The following ABCA2 variants were observed in gnomAD, a reference collection of about 807,000 sequenced individuals.
The protein encoded by ABCA2 is ATP-binding cassette sub-family A member 2.
Under a neutral mutation model 262.8 loss-of-function variants are expected in ABCA2, and 84 were observed. The observed-to-expected ratio is 0.32, with a 90% CI of 0.27 to 0.38. The LOEUF (loss-of-function observed/expected upper bound fraction) is 0.38. ABCA2 is among the 10% of genes least tolerant of loss of function. The probability of loss-of-function intolerance (pLI) is 1.00; values close to 1 mark genes in which losing one functional copy is unlikely to be tolerated. For synonymous variants in ABCA2, 1,696 were observed against 1,502.9 expected (o/e 1.13, Z -2.97); for missense variants, 2,662 against 3,405.9 (o/e 0.78, Z 5.44).
chr9:137,020,616 GAGCC>G, intron 9 of ABCA2, 74 bp downstream of exon 9: 1 of 1,565,304 alleles, frequency 6.4e-7, no homozygotes, highest in South Asian at 1.2e-5. Context: ...GAGACCTCCA[GAGCC>G]AGAGCCTAGA....
Position 137,011,892 on chromosome 9 carries a change from G to A in ABCA2, c.5487C>T (p.Ser1829=), listed in dbSNP as rs765435669. 1.5e-5 allele frequency: 24 copies of A among 1,611,404 alleles called. No individual in the cohort carries two copies. The highest frequency in any genetic ancestry group is 2.7e-5 in the African/African-American group (2 of 74,894). The change falls in exon 35 of 49, where the codon AGC becomes AGT. Residue 1829 remains serine (S), a synonymous_variant. Transcript: ENST00000341511. The surrounding 1 kb of genome is among the most constrained non-coding windows in gnomAD (Gnocchi z 8.8). ...STKAKHLQFV[S]GCNPIIYWLA... is the part of the protein sequence containing the mutation. Reference sequence around the variant, plus strand: ...GCCAGTAGATGATGGGGTTGCAGCCGCTGACAAACTGCAGGTGCTTGGCCT... The same window carrying A: ...GCCAGTAGATGATGGGGTTGCAGCCACTGACAAACTGCAGGTGCTTGGCCT...
intron 1 of ABCA2, among the ~76,000 whole-genome samples, chr9:137,025,854 G>C (rs891134965): frequency 2.0e-5 from 3 of 152,236 alleles, no homozygotes; most frequent in Non-Finnish European, 4.4e-5. Flanking sequence ...CTGGCTGGCA[G>C]GCGGCGGGCG....
chr9:137,022,862 G>T lies in ABCA2; in HGVS notation c.279C>A (p.Val93=). The T allele has an allele frequency of 7.5e-7, 1 of 1,336,272 alleles. No homozygotes were observed. Among genetic ancestry groups the T allele is most frequent in the Non-Finnish European group, 9.9e-7 (1 of 1,009,270 alleles). The allele number at this position is 1,336,272 out of a possible 1,614,324, so 82.8% of individuals were successfully genotyped here. ...FGFLQYANST[V]TQLLERLDRV... ...GGTCCAGGCGCTCAAGCAGCTGCGT[G>T]ACCCTGCACCATGGCGGATGTCACT... is the stretch of plus-strand genomic sequence containing the variant. Residue 93 remains valine (V), a synonymous_variant, in exon 5 of 49, where the codon GTC becomes GTA. Coordinates refer to ENST00000341511, the MANE Select transcript of ABCA2 (RefSeq NM_001606.5).
chr9:137,017,755 C>A, intron 16 of ABCA2, 32 bp downstream of exon 16: 1 of 1,610,332 alleles, frequency 6.2e-7, no homozygotes, highest in Non-Finnish European at 8.5e-7. Flanking sequence ...CCTGCCAGCC[C>A]GCGCCTCCAG....
intron 1 of ABCA2, among the ~76,000 whole-genome samples, chr9:137,026,007 C>G (rs559280841): frequency 1.2e-4 from 19 of 152,332 alleles, no homozygotes; most frequent in African/African-American, 4.3e-4. Flanking sequence ...GATGCCTTCT[C>G]TGGGCATGAC....
chr9:137,021,290 A>T lies in ABCA2; in HGVS notation c.897+102T>A, dbSNP rs1831444818. 5 of 1,438,230 alleles carry T rather than the reference A, an allele frequency of 3.5e-6. No homozygotes were observed. Among genetic ancestry groups the T allele is most frequent in the Non-Finnish European group, 4.7e-6 (5 of 1,066,886 alleles). 89.1% of individuals were successfully genotyped at this position (1,438,230 alleles called of 1,614,324 possible). ...CCCACCCACAGGCAGCATCCCACGC[A>T]CAGCCTGGGCCCAGGAGCCCTGAGC... On this transcript the variant is annotated intron_variant, in intron 8 of 48. Coordinates refer to ENST00000341511, the MANE Select transcript of ABCA2 (RefSeq NM_001606.5). This position sits in a 1 kb window ranked among gnomAD's most constrained non-coding sequence, Gnocchi z 6.0.
intron 46 of ABCA2, 32 bp from the exon 47 acceptor site, chr9:137,008,900 G>GCCCCCCCCCCCCCCTAGGGCCCC: frequency 6.4e-7 from 1 of 1,555,286 alleles, no homozygotes; most frequent in Admixed American, 1.7e-5. Context: ...GCCTGGCAGC[G>GCCCCCCCCCCCCCCTAGGGCCCC]CCCCCCCACC....
chr9:137,027,994 C>G (rs1831714420), intron 1 of ABCA2, 81 bp downstream of exon 1: 1 of 813,080 alleles, frequency 1.2e-6, no homozygotes, highest in African/African-American at 1.9e-5. Context: ...CCCGGCCGTC[C>G]GCACGTGCGC....
intron 40 of ABCA2, 21 bp downstream of exon 40, chr9:137,010,599 C>A: frequency 6.4e-7 from 1 of 1,556,656 alleles, no homozygotes; most frequent in Non-Finnish European, 8.9e-7. Context: ...CCAGGCCCCA[C>A]CCTACATGCC....
In ABCA2 at chr9:137,018,885, G is replaced by A. The variant is rs747535261; in HGVS notation, c.1722+18C>T. 1.1e-5 allele frequency: 17 copies of A among 1,612,044 alleles called. No individual in the cohort carries two copies. The Admixed American group carries it at 1.5e-4, about 14-fold the overall frequency. On this transcript the variant is annotated intron_variant, in intron 12 of 48. Coordinates refer to ENST00000341511, the MANE Select transcript of ABCA2 (RefSeq NM_001606.5). ...GGCAGGGGGTGTCGTGGGTTGGCTC[G>A]GAGGCCCCACCGCTCACCTTGGACA...
intron 2 of ABCA2, 49 bp downstream of exon 2, chr9:137,024,094 G>A (rs368691594): frequency 5.4e-5 from 84 of 1,564,790 alleles, no homozygotes; most frequent in African/African-American, 1.2e-4. Flanking sequence ...GCAGGCGTGC[G>A]AGGTGCCGCG....
chr9:137,015,862 C>T lies in ABCA2; in HGVS notation c.3327G>A (p.Glu1109=), dbSNP rs1455951280. The change falls in exon 23 of 49, where the codon GAG becomes GAA. Residue 1109 remains glutamate (E), a synonymous_variant. Transcript: ENST00000341511. ...GCCGTTTGTTGGAGAGCTCCAGGTC[C>T]TCGATCATCCTGGGACAGGGAGGTG... is the stretch of plus-strand genomic sequence containing the variant. The part of the protein sequence containing the change: ...EIRREMDKMI[E]DLELSNKRHS... The T allele has an allele frequency of 1.2e-6, 2 of 1,609,600 alleles. No individual in the cohort carries two copies. The highest frequency in any genetic ancestry group is 1.3e-5 in the African/African-American group (1 of 75,008).
At position 137,016,006 on chromosome 9, in the gene ABCA2, C is replaced by G. The variant is rs1831248144; in HGVS notation, c.3273G>C (p.Arg1091=). The change falls in exon 22 of 49, where the codon CGG becomes CGC. Residue 1091 remains arginine (R), a synonymous_variant. Coordinates refer to ENST00000341511, the MANE Select transcript of ABCA2 (RefSeq NM_001606.5). ...TCTCCTCCTGAGCCATGCTCTTGAGCCGTGAGTAGAACCAGAGGTGTTCCT... is the reference window on the plus strand; with the variant it reads ...TCTCCTCCTGAGCCATGCTCTTGAGGCGTGAGTAGAACCAGAGGTGTTCCT... The part of the protein sequence containing the change: ...TVEEHLWFYS[R]LKSMAQEEIR... The G allele has an allele frequency of 6.5e-7, 1 of 1,542,340 alleles. No individual in the cohort carries two copies. Among genetic ancestry groups the G allele is most frequent in the African/African-American group, 1.4e-5 (1 of 70,970 alleles).
Position 137,021,655 on chromosome 9 carries a change from T to G in ABCA2, c.679-45A>C. 1 of 1,528,514 alleles carries G rather than the reference T, an allele frequency of 6.5e-7. No homozygotes were observed. The highest frequency in any genetic ancestry group is 8.8e-7 in the Non-Finnish European group (1 of 1,136,114). 94.7% of individuals were successfully genotyped at this position (1,528,514 alleles called of 1,614,324 possible). ...CCGTGGAGCCACGGCAAGGACTTTGTCCCCAACCACTAGGGCCTCAGGCCT... is the reference window on the plus strand; with the variant it reads ...CCGTGGAGCCACGGCAAGGACTTTGGCCCCAACCACTAGGGCCTCAGGCCT... On this transcript the variant is annotated intron_variant, in intron 7 of 48. Coordinates refer to ENST00000341511, the MANE Select transcript of ABCA2 (RefSeq NM_001606.5). This position sits in a 1 kb window ranked among gnomAD's most constrained non-coding sequence, Gnocchi z 6.0.
Position 137,019,018 on chromosome 9 carries a change from T to C in ABCA2, c.1607A>G (p.Glu536Gly). The change falls in exon 12 of 49, where the codon GAG becomes GGG. Residue 536 changes from glutamate to glycine, a missense_variant. Physicochemically the swap from Glu to Gly is moderately conservative, Grantham distance 98 (BLOSUM62 -2). Transcript: ENST00000341511. This position sits in a 1 kb window ranked among gnomAD's most constrained non-coding sequence, Gnocchi z 4.4. Reference sequence around the variant, plus strand: ...GTCCTGTCTCAGGGCCGGCGGCAGCTCATCCAGTGACAGGTTCAGTGCCTC... The same window carrying C: ...GTCCTGTCTCAGGGCCGGCGGCAGCCCATCCAGTGACAGGTTCAGTGCCTC... ...HPEALNLSLDELPPALRQDNF... is the reference protein window; with the variant it reads ...HPEALNLSLDGLPPALRQDNF... 1 of 1,612,818 alleles carries C rather than the reference T, an allele frequency of 6.2e-7. No individual in the cohort carries two copies. Among genetic ancestry groups the C allele is most frequent in the South Asian group, 1.1e-5 (1 of 91,074 alleles).
At position 137,018,302 on chromosome 9, in the gene ABCA2, G is replaced by A. The variant is rs367873735; in HGVS notation, c.1869C>T (p.His623=). Residue 623 remains histidine (H), a synonymous_variant, in exon 14 of 49, where the codon CAC becomes CAT. Coordinates refer to ENST00000341511, the MANE Select transcript of ABCA2 (RefSeq NM_001606.5). ...RKDGSLPPHV[H]YKIRQNSSFT... The stretch of plus-strand genomic sequence containing the variant: ...AGCTGGAGTTCTGGCGGATCTTGTA[G>A]TGCACGTGAGGCGGGAGCGAGCCGT... 3.1e-6 allele frequency: 5 copies of A among 1,608,188 alleles called. No homozygotes were observed. In the East Asian group the frequency reaches 8.9e-5, roughly 29 times the overall value.
Position 137,011,405 on chromosome 9 carries a change from A to T in ABCA2, c.5799+2T>A. The T allele has an allele frequency of 6.2e-7, 1 of 1,610,202 alleles. No individual in the cohort carries two copies. The highest frequency in any genetic ancestry group is 8.5e-7 in the Non-Finnish European group (1 of 1,178,820). ...ACCCCCACCATGTCGTCACCGCCCC[A>T]CCTTGTCGTGCTCGAAGAGCTGTAG... On this transcript the variant is annotated splice_donor_variant, in intron 37 of 48. Coordinates refer to ENST00000341511, the MANE Select transcript of ABCA2 (RefSeq NM_001606.5). LOFTEE classifies it high-confidence loss of function. This position sits in a 1 kb window ranked among gnomAD's most constrained non-coding sequence, Gnocchi z 8.8.
chr9:137,009,017 C>A lies in ABCA2; in HGVS notation c.6864G>T (p.Lys2288Asn). The change falls in exon 46 of 49, where the codon AAG becomes AAT. Residue 2288 changes from lysine to asparagine, a missense_variant. Physicochemically the swap from Lys to Asn is moderately conservative, Grantham distance 94. Around this residue, in one of 12 missense-constraint regions of ABCA2, gnomAD observed 212 missense variants for 214.4 expected, o/e 0.99. Coordinates refer to ENST00000341511, the MANE Select transcript of ABCA2 (RefSeq NM_001606.5). ...CCACGTCCTTCACACTCTGGCTGCT[C>A]TTGGTCCGCACCGTGATCATGTAGC... ...GDGYMITVRT[K>N]SSQSVKDVVR... 3.1e-6 allele frequency: 5 copies of A among 1,609,112 alleles called. No individual in the cohort carries two copies. The highest frequency in any genetic ancestry group is 4.2e-6 in the Non-Finnish European group (5 of 1,179,766).
intron 1 of ABCA2, among the ~76,000 whole-genome samples, chr9:137,025,486 C>T (rs934820770): frequency 5.3e-5 from 8 of 152,240 alleles, no homozygotes; most frequent in Admixed American, 1.3e-4. Context: ...GCCGAGTCCC[C>T]GGTCCCTGGG....
Sources: gnomAD v4.1 joint callset for allele counts (sites outside exome capture counted in the v4.1 genomes callset) on GRCh38, gnomAD v4.1.1 for gene constraint, gnomAD v4.1.1 regional missense constraint, Gnocchi (gnomAD v3.1) non-coding constraint, MANE v1.5 for transcripts, NCBI Gene and HGNC (gene_info 2026-07-23, HGNC 2026-07-21) for gene names.